The following XXYLT1 variants were observed in gnomAD, a reference collection of about 807,000 sequenced individuals.
The protein encoded by XXYLT1 is xyloside xylosyltransferase 1, also known as UDP-xylose:alpha-xyloside alpha-1,3-xylosyltransferase.
A neutral mutation model predicts 28.9 loss-of-function variants in XXYLT1; 20 were observed. The ratio of observed to expected loss-of-function variants is 0.69; its 90% CI spans 0.49 to 1.00. The LOEUF (loss-of-function observed/expected upper bound fraction) is 1.00, where lower values mean the gene tolerates loss of function less well. Among genes scored for constraint, XXYLT1 ranks in the 50% least tolerant of loss-of-function variants. The pLI is 0.00. For synonymous variants in XXYLT1, 257 were observed against 253.8 expected, an observed-to-expected ratio of 1.01 and a Z score of -0.12; for missense variants, 542 against 560.1, an observed-to-expected ratio of 0.97 and a Z score of 0.33.
In XXYLT1 at chr3:195,270,878, C is replaced by A. The variant is rs1442554266; in HGVS notation, c.181G>T (p.Gly61Trp). The change falls in exon 1 of 4, where the codon GGG (glycine) becomes TGG (tryptophan). Residue 61 changes from glycine to tryptophan, a missense_variant. Transcript: ENST00000310380. The stretch of plus-strand genomic sequence containing the variant: ...GGCGGCGAGGGCGCGGCGGGAGCCC[C>A]GGCGCGGGCCTCCTTCAGCCTCTTG... The part of the protein sequence containing the change: ...ATKRLKEARA[G>W]APAAPSPPAL... The A allele has an allele frequency of 4.3e-6, 6 of 1,410,848 alleles. No individual in the cohort carries two copies. In the African/African-American group the frequency reaches 9.1e-5, roughly 21 times the overall value. The allele number at this position is 1,410,848 out of a possible 1,614,324, so 87.4% of individuals were successfully genotyped here.
Position 195,188,365 on chromosome 3 carries a change from G to A in XXYLT1, c.653-31784C>T, listed in dbSNP as rs767890418. 1.7e-4 allele frequency among the ~76,000 whole-genome samples: 26 copies of A among 152,290 alleles called. 1 individual carries two copies. Among genetic ancestry groups the A allele is most frequent in the Non-Finnish European group, 3.2e-4 (22 of 68,026 alleles). On this transcript the variant is annotated intron_variant, in intron 2 of 3. Transcript: ENST00000310380. ...TTCCATAAGACACACCCACTAATGT[G>A]CCATGTCAGTTTAGCATTGCCATGG...
At position 195,195,110 on chromosome 3, in the gene XXYLT1, A is replaced by T. The variant is rs1286722392; in HGVS notation, c.652+31599T>A. Among the ~76,000 whole-genome samples the T allele has an allele frequency of 6.6e-6, 1 of 152,004 alleles. No homozygotes were observed. The highest frequency in any genetic ancestry group is 1.9e-4 in the East Asian group (1 of 5,198). ...TTTTAAAAGGACAATGTACATAAAA[A>T]TTCTCTTTAAACCATAAAACAGCAG... is the stretch of plus-strand genomic sequence containing the variant. On this transcript the variant is annotated intron_variant, in intron 2 of 3. Transcript: ENST00000310380. This position sits in a 1 kb window ranked among gnomAD's most constrained non-coding sequence, Gnocchi z 4.4.
At chr3:195,178,654 C>G (rs1249791259) in intron 2 of XXYLT1, among the ~76,000 whole-genome samples, 2 of 152,192 alleles carry the variant, frequency 1.3e-5, no homozygotes, top group African/African-American at 4.8e-5. Context: ...TGCCCTCTCC[C>G]AGTGCCCAGC....
At chr3:195,187,605 G>T (rs368786061) in intron 2 of XXYLT1, among the ~76,000 whole-genome samples, 2 of 152,186 alleles carry the variant, frequency 1.3e-5, no homozygotes, top group African/African-American at 2.4e-5. Flanking sequence ...GAAGGGGAAA[G>T]AAATGGGATT....
At chr3:195,233,660 A>G (rs1003919151) in intron 1 of XXYLT1, among the ~76,000 whole-genome samples, 12 of 150,910 alleles carry the variant, frequency 8.0e-5, no homozygotes, top group South Asian at 4.1e-4. Context: ...CTATAACTTC[A>G]TCTCCCCACT....
chr3:195,124,646 T>G lies in XXYLT1; in HGVS notation c.785+31803A>C, dbSNP rs536928336. ...ATTTGCTGACAGACTGATAAACTAATGAGCACATGCCTTACTGTCAACTTC... is the reference window on the plus strand; with the variant it reads ...ATTTGCTGACAGACTGATAAACTAAGGAGCACATGCCTTACTGTCAACTTC... On this transcript the variant is annotated intron_variant, in intron 3 of 3. Coordinates refer to ENST00000310380, the MANE Select transcript of XXYLT1 (RefSeq NM_152531.5). The surrounding 1 kb of genome is among the most constrained non-coding windows in gnomAD (Gnocchi z 4.1). 1.3e-5 allele frequency among the ~76,000 whole-genome samples: 2 copies of G among 152,274 alleles called. No individual in the cohort carries two copies. The highest frequency in any genetic ancestry group is 4.8e-5 in the African/African-American group (2 of 41,574).
chr3:195,257,440 T>A lies in XXYLT1; in HGVS notation c.504+13115A>T, dbSNP rs951557405. Reference sequence around the variant, plus strand: ...TGGAGGTGAGAGGTAGGTCCCCACATAACTGGCACCGTCCGAGCTTCATCA... The same window carrying A: ...TGGAGGTGAGAGGTAGGTCCCCACAAAACTGGCACCGTCCGAGCTTCATCA... On this transcript the variant is annotated intron_variant, in intron 1 of 3. Transcript: ENST00000310380. The surrounding 1 kb of genome is among the most constrained non-coding windows in gnomAD (Gnocchi z 4.3). 6.6e-6 allele frequency among the ~76,000 whole-genome samples: 1 copy of A among 152,146 alleles called. No homozygotes were observed. Among genetic ancestry groups the A allele is most frequent in the African/African-American group, 2.4e-5 (1 of 41,426 alleles).
chr3:195,073,794 A>T (rs1343404147), intron 3 of XXYLT1, among the ~76,000 whole-genome samples: 1 of 152,230 alleles, frequency 6.6e-6, no homozygotes, highest in African/African-American at 2.4e-5. Context: ...ATATAACTTA[A>T]TAATCATAAA....
intron 1 of XXYLT1, among the ~76,000 whole-genome samples, chr3:195,231,674 T>C (rs1724305480): frequency 6.6e-6 from 1 of 152,184 alleles, no homozygotes; most frequent in Non-Finnish European, 1.5e-5. Flanking sequence ...GTTGATATGA[T>C]GTATCACACT....
At chr3:195,163,894 C>A (rs1445737365) in intron 2 of XXYLT1, among the ~76,000 whole-genome samples, 1 of 152,218 alleles carries the variant, frequency 6.6e-6, no homozygotes, top group Non-Finnish European at 1.5e-5. Flanking sequence ...ACTGAAAGGA[C>A]CAAAGAGAAA....
In XXYLT1 at chr3:195,180,737, C is replaced by T. The variant is rs1721910088; in HGVS notation, c.653-24156G>A. Among the ~76,000 whole-genome samples, 1 of 152,202 alleles carries T rather than the reference C, an allele frequency of 6.6e-6. No homozygotes were observed. The highest frequency in any genetic ancestry group is 2.1e-4 in the South Asian group (1 of 4,832). On this transcript the variant is annotated intron_variant, in intron 2 of 3. Coordinates refer to ENST00000310380, the MANE Select transcript of XXYLT1 (RefSeq NM_152531.5). This position sits in a 1 kb window ranked among gnomAD's most constrained non-coding sequence, Gnocchi z 5.8. ...GAAAGGCGCCTGCCCACTGCCCCCA[C>T]CCCTGCAAGCACACACCTGCTCGCC...
chr3:195,193,636 A>C (rs748175443), intron 2 of XXYLT1, among the ~76,000 whole-genome samples: 25 of 152,224 alleles, frequency 1.6e-4, no homozygotes, highest in Non-Finnish European at 2.4e-4. Flanking sequence ...GATCTTAAAA[A>C]TAACTACAAA....
intron 3 of XXYLT1, among the ~76,000 whole-genome samples, chr3:195,121,044 A>G (rs2108614027): frequency 6.6e-6 from 1 of 152,280 alleles, no homozygotes; most frequent in East Asian, 1.9e-4. Context: ...TGTGGGCCAC[A>G]CCTAGCCTGC....
At chr3:195,244,543 C>G (rs914261642) in intron 1 of XXYLT1, among the ~76,000 whole-genome samples, 3 of 151,380 alleles carry the variant, frequency 2.0e-5, no homozygotes, top group African/African-American at 7.3e-5. Flanking sequence ...GGGTGGATCA[C>G]CTGAGGTCGG....
chr3:195,193,010 G>T lies in XXYLT1; in HGVS notation c.652+33699C>A, dbSNP rs537281353. 3.9e-5 allele frequency among the ~76,000 whole-genome samples: 6 copies of T among 152,162 alleles called. No individual in the cohort carries two copies. In the South Asian group the frequency reaches 6.2e-4, roughly 16 times the overall value. ...TTCAAAAAAATCCATTCCTGGCCAG[G>T]CACGATGGCTCACACCTGTAATCCT... is the stretch of plus-strand genomic sequence containing the variant. On this transcript the variant is annotated intron_variant, in intron 2 of 3. Transcript: ENST00000310380.
chr3:195,108,474 A>G (rs1717269353), intron 3 of XXYLT1, among the ~76,000 whole-genome samples: 1 of 152,226 alleles, frequency 6.6e-6, no homozygotes, highest in South Asian at 2.1e-4. Flanking sequence ...AACTTTACAA[A>G]TCGTAAAGAA....
chr3:195,183,340 A>G (rs1722038618), intron 2 of XXYLT1: 2 of 152,208 alleles, frequency 1.3e-5, no homozygotes. Flanking sequence ...AGCATCTGGC[A>G]TTTCCCCTAC....
chr3:195,138,176 T>G (rs552363011), intron 3 of XXYLT1, among the ~76,000 whole-genome samples: 1 of 152,300 alleles, frequency 6.6e-6, no homozygotes, highest in East Asian at 1.9e-4. Context: ...CCCAGGAAAT[T>G]TAAGTGATTT....
At position 195,240,818 on chromosome 3, in the gene XXYLT1, T is replaced by TG. The variant is rs1255614730; in HGVS notation, c.505-13963dup. 3.3e-5 allele frequency among the ~76,000 whole-genome samples: 5 copies of TG among 152,014 alleles called. No individual in the cohort carries two copies. The highest frequency in any genetic ancestry group is 1.2e-4 in the African/African-American group (5 of 41,394). The stretch of plus-strand genomic sequence containing the variant: ...TCCACCTCCTGAAGGAACCATAAAC[T>TG]GGGGGACTGAGGCAGGAGGATCGCT... On this transcript the variant is annotated intron_variant, in intron 1 of 3. Coordinates refer to ENST00000310380, the MANE Select transcript of XXYLT1 (RefSeq NM_152531.5). This position sits in a 1 kb window ranked among gnomAD's most constrained non-coding sequence, Gnocchi z 4.7.
Sources: allele counts gnomAD v4.1 joint callset (sites outside exome capture counted in the v4.1 genomes callset), GRCh38; gene constraint gnomAD v4.1.1; non-coding constraint Gnocchi (gnomAD v3.1); transcripts MANE v1.5; gene names NCBI Gene and HGNC (gene_info 2026-07-23, HGNC 2026-07-21).